Variants in SFTPD observed in about 807,000 individuals in gnomAD.
The protein encoded by SFTPD is surfactant protein D, also known as pulmonary surfactant-associated protein D.
SFTPD carries 18 observed loss-of-function variants against 34.6 expected under a neutral mutation model. That is an observed-to-expected ratio of 0.52 (90% CI 0.36 to 0.77). The LOEUF is 0.77. Ranked by LOEUF, SFTPD falls within the 30% of genes least tolerant of loss-of-function variation. The probability of loss-of-function intolerance (pLI) is 0.00; values close to 1 mark genes in which losing one functional copy is unlikely to be tolerated. For missense variants in SFTPD, 433 were observed against 468.9 expected, an observed-to-expected ratio of 0.92 and a Z score of 0.71; for synonymous variants, 155 against 180.9, an observed-to-expected ratio of 0.86 and a Z score of 1.15.
chr10:79,942,688 G>C, intron 3 of SFTPD, 75 bp downstream of exon 3: 1 of 1,095,038 alleles, frequency 9.1e-7, no homozygotes, highest in Non-Finnish European at 1.4e-6. Flanking sequence ...GATGGGCTCT[G>C]TGCGTGCCCA....
At chr10:79,939,086 A>T (rs558224689) in intron 7 of SFTPD, among the ~76,000 whole-genome samples, 5 of 151,552 alleles carry the variant, frequency 3.3e-5, no homozygotes, top group African/African-American at 1.2e-4. Context: ...CACTTCACAA[A>T]AGCTGTTGCG....
intron 1 of SFTPD, among the ~76,000 whole-genome samples, chr10:79,964,441 G>A (rs952506437): frequency 3.3e-5 from 5 of 152,176 alleles, no homozygotes; most frequent in Non-Finnish European, 5.9e-5. Flanking sequence ...CCTCATGGCA[G>A]TTTTTCTCCT....
chr10:79,973,024 A>C (rs963979672), intron 1 of SFTPD: 4 of 152,190 alleles, frequency 2.6e-5, no homozygotes, highest in African/African-American at 9.6e-5. Context: ...AGCTGTTATC[A>C]TGTGTGAGTT....
intron 1 of SFTPD, among the ~76,000 whole-genome samples, chr10:79,960,364 T>C (rs1589340318): frequency 6.6e-6 from 1 of 151,604 alleles, no homozygotes; most frequent in Non-Finnish European, 1.5e-5. Flanking sequence ...TGTCCCTGTT[T>C]GCAGATGGCA....
chr10:79,960,734 A>G (rs2132513606), intron 1 of SFTPD, among the ~76,000 whole-genome samples: 1 of 152,348 alleles, frequency 6.6e-6, no homozygotes, highest in African/African-American at 2.4e-5. Flanking sequence ...GGTAATTTAT[A>G]GATTCAAGGC....
chr10:79,943,851 G>T (rs1842640157), intron 2 of SFTPD, among the ~76,000 whole-genome samples: 1 of 152,200 alleles, frequency 6.6e-6, no homozygotes, highest in South Asian at 2.1e-4. Context: ...AAGGCAGGAT[G>T]CCCTGACCCC....
At chr10:79,962,375 T>A in intron 1 of SFTPD, among the ~76,000 whole-genome samples, 2 of 152,258 alleles carry the variant, frequency 1.3e-5, no homozygotes, top group Middle Eastern at 6.8e-3. Context: ...TCTTTATTAT[T>A]TTCTCTATGT....
At chr10:79,958,397 AG>A (rs1280620767) in intron 1 of SFTPD, among the ~76,000 whole-genome samples, 1 of 152,234 alleles carries the variant, frequency 6.6e-6, no homozygotes, top group Admixed American at 6.5e-5. Flanking sequence ...TGCTGTATTC[AG>A]GAAACCCATC....
chr10:79,968,100 G>T (rs939198600), intron 1 of SFTPD: 9 of 151,886 alleles, frequency 5.9e-5, no homozygotes, highest in African/African-American at 1.9e-4. Flanking sequence ...CTTGACTCAT[G>T]CATACAATAT....
chr10:79,942,715 G>T, intron 3 of SFTPD, 48 bp downstream of exon 3: 1 of 1,299,550 alleles, frequency 7.7e-7, no homozygotes, highest in Non-Finnish European at 1.1e-6. Flanking sequence ...TATCCTTGCA[G>T]CTGCACCACC....
At chr10:79,957,014 C>CACCGCTGTTCTGCAGCA (rs1276876073) in intron 1 of SFTPD, among the ~76,000 whole-genome samples, 77 of 149,566 alleles carry the variant, frequency 5.1e-4, no homozygotes, top group African/African-American at 1.8e-3. Context: ...GTTCTACAGC[C>CACCGCTGTTCTGCAGCA]ACCGCTGCTG....
chr10:79,956,534 C>T (rs917156891), intron 1 of SFTPD, among the ~76,000 whole-genome samples: 2 of 152,266 alleles, frequency 1.3e-5, no homozygotes, highest in African/African-American at 2.4e-5. Context: ...GGCCTACGCC[C>T]ACGGAGTCTC....
intron 1 of SFTPD, among the ~76,000 whole-genome samples, chr10:79,979,293 C>T (rs1005078717): frequency 3.9e-5 from 6 of 152,134 alleles, no homozygotes; most frequent in Admixed American, 6.6e-5. Flanking sequence ...ATTCCCCATG[C>T]CCTGCAGGAA....
At chr10:79,977,432 A>C (rs907035167) in intron 1 of SFTPD, among the ~76,000 whole-genome samples, 1 of 151,982 alleles carries the variant, frequency 6.6e-6, no homozygotes, top group African/African-American at 2.4e-5. Flanking sequence ...AGTTCAAGCA[A>C]GCAGCTTTTC....
At position 79,946,692 on chromosome 10, in the gene SFTPD, A is replaced by G. The variant is rs371994310; in HGVS notation, c.-3-30T>C. The G allele has an allele frequency of 6.9e-6, 11 of 1,587,880 alleles. No individual in the cohort carries two copies. The African/African-American group carries it at 1.5e-4, about 21-fold the overall frequency. ...AGAGGTGAACAGAAAGAGAAAAGACATGCTTATGCTTCATGGACATGGTTT... is the reference window on the plus strand; with the variant it reads ...AGAGGTGAACAGAAAGAGAAAAGACGTGCTTATGCTTCATGGACATGGTTT... On this transcript the variant is annotated intron_variant, in intron 1 of 7. Transcript: ENST00000372292.
intron 1 of SFTPD, chr10:79,970,952 G>A (rs1340672387): frequency 6.6e-6 from 1 of 152,156 alleles, no homozygotes; most frequent in Non-Finnish European, 1.5e-5. Flanking sequence ...CTAGTTTCTA[G>A]AGGAAAATAC....
rs200684113 is a variant in SFTPD at position 79,942,002 on chromosome 10, G to T, written c.502C>A (p.Arg168=). The T allele has an allele frequency of 6.2e-7, 1 of 1,613,906 alleles. No individual in the cohort carries two copies. Residue 168 remains arginine (R), a synonymous_variant, in exon 5 of 8, where the codon CGA becomes AGA. Transcript: ENST00000372292. ...ARGLAGPKGE[R]GVPGERGVPG... ...ACTCCACGCTCACCAGGGACACCTCGCTCTCCCTTAGGGCCTGCGAGGCCT... is the reference window on the plus strand; with the variant it reads ...ACTCCACGCTCACCAGGGACACCTCTCTCTCCCTTAGGGCCTGCGAGGCCT...
At chr10:79,969,069 T>C (rs2132520214) in intron 1 of SFTPD, 1 of 152,312 alleles carries the variant, frequency 6.6e-6, no homozygotes, top group Admixed American at 6.5e-5. Flanking sequence ...CCGGTCATGG[T>C]GGCTCATGCC....
At chr10:79,950,623 C>A (rs1464552610), upstream of SFTPD, 1 of 152,224 alleles carries the variant, frequency 6.6e-6, no homozygotes, top group Non-Finnish European at 1.5e-5. Flanking sequence ...TTTTCCTTCA[C>A]ATTGACTTTG....
Sources: allele counts gnomAD v4.1 joint callset (sites outside exome capture counted in the v4.1 genomes callset), GRCh38; gene constraint gnomAD v4.1.1; transcripts MANE v1.5; gene names NCBI Gene and HGNC (gene_info 2026-07-23, HGNC 2026-07-21).